The following KCNT2 variants were observed in gnomAD, a reference collection of about 807,000 sequenced individuals.
The protein encoded by KCNT2 is potassium sodium-activated channel subfamily T member 2, also known as potassium channel subfamily T member 2.
KCNT2 carries 67 observed loss-of-function variants against 153.8 expected under a neutral mutation model. That is an observed-to-expected ratio of 0.44 (90% CI 0.36 to 0.53). The LOEUF (loss-of-function observed/expected upper bound fraction) is 0.53, where lower values mean the gene tolerates loss of function less well. KCNT2 is among the 20% of genes least tolerant of loss of function. The pLI, the probability that KCNT2 is intolerant of heterozygous loss-of-function variation, is 0.00. For missense variants in KCNT2, 975 were observed against 1,354.8 expected (o/e 0.72, Z 4.40); for synonymous variants, 500 against 458.8 (o/e 1.09, Z -1.15).
At chr1:196,425,819 G>A (rs1401307566) in intron 11 of KCNT2, 33 bp downstream of exon 11, 2 of 1,607,022 alleles carry the variant, frequency 1.2e-6, no homozygotes, top group Non-Finnish European at 1.7e-6. Flanking sequence ...ACTCAAAACT[G>A]TAAGCTGCAA....
intron 13 of KCNT2, among the ~76,000 whole-genome samples, chr1:196,397,297 A>G (rs533030745): frequency 4.6e-5 from 7 of 151,554 alleles, no homozygotes; most frequent in Non-Finnish European, 8.9e-5. Context: ...AAATAATAAT[A>G]AAAATAAGAT....
chr1:196,494,404 TTTG>T (rs1215403071), intron 1 of KCNT2, among the ~76,000 whole-genome samples: 5 of 152,128 alleles, frequency 3.3e-5, no homozygotes, highest in Non-Finnish European at 5.9e-5. Context: ...GGAGCCTTTT[TTTG>T]TTGTTTTTTG....
At chr1:196,408,902 T>C (rs1158394287) in intron 12 of KCNT2, among the ~76,000 whole-genome samples, 3 of 151,534 alleles carry the variant, frequency 2.0e-5, no homozygotes, top group Non-Finnish European at 4.4e-5. Flanking sequence ...TGTGTTCAAG[T>C]TTGTTATTAA....
chr1:196,437,494 A>G (rs992189735), intron 8 of KCNT2, among the ~76,000 whole-genome samples: 1 of 147,674 alleles, frequency 6.8e-6, no homozygotes, highest in African/African-American at 2.5e-5. Flanking sequence ...CCCCGCCTAA[A>G]CATTTTAAAT....
At chr1:196,293,768 A>G (rs1660413248) in intron 22 of KCNT2, among the ~76,000 whole-genome samples, 1 of 152,106 alleles carries the variant, frequency 6.6e-6, no homozygotes, top group Non-Finnish European at 1.5e-5. Context: ...GCTCTGGGCA[A>G]TAATTTATTG....
chr1:196,453,255 T>C (rs147374077), intron 8 of KCNT2, among the ~76,000 whole-genome samples: 16 of 151,814 alleles, frequency 1.1e-4, no homozygotes, highest in Non-Finnish European at 1.5e-4. Context: ...CCAATCACAG[T>C]AGTGGATTTT....
At chr1:196,310,333 A>G (rs1357900111) in intron 21 of KCNT2, among the ~76,000 whole-genome samples, 1 of 151,872 alleles carries the variant, frequency 6.6e-6, no homozygotes, top group Non-Finnish European at 1.5e-5. Flanking sequence ...ATTGACTATC[A>G]ACACTAAAAC....
At chr1:196,564,235 A>C (rs928483029) in intron 1 of KCNT2, among the ~76,000 whole-genome samples, 1 of 151,716 alleles carries the variant, frequency 6.6e-6, no homozygotes, top group Non-Finnish European at 1.5e-5. Flanking sequence ...AAACTATCTG[A>C]AAAAAAATTC....
intron 8 of KCNT2, among the ~76,000 whole-genome samples, chr1:196,448,290 C>T (rs1339850943): frequency 6.6e-6 from 1 of 151,492 alleles, no homozygotes; most frequent in Non-Finnish European, 1.5e-5. Flanking sequence ...AGAGATAATG[C>T]AAGCAAAACT....
chr1:196,390,057 T>TA (rs1670337929), intron 13 of KCNT2, among the ~76,000 whole-genome samples: 1 of 151,622 alleles, frequency 6.6e-6, no homozygotes, highest in East Asian at 1.9e-4. Context: ...GCGCTGTTTT[T>TA]AGATTTCTGG....
intron 20 of KCNT2, among the ~76,000 whole-genome samples, chr1:196,318,199 A>G (rs1372118112): frequency 1.3e-5 from 2 of 151,502 alleles, no homozygotes; most frequent in African/African-American, 4.8e-5. Flanking sequence ...CCTCTCTAAG[A>G]CCCCTTTTTG....
chr1:196,342,017 T>C lies in KCNT2; in HGVS notation c.1553+62A>G, dbSNP rs1665683961. On this transcript the variant is annotated intron_variant, in intron 15 of 27. Coordinates refer to ENST00000294725, the MANE Select transcript of KCNT2 (RefSeq NM_198503.5). ...CAATATGCATTCTATTTTTGAAAACTATTTTCACATGATATGCTTGACTGA... is the reference window on the plus strand; with the variant it reads ...CAATATGCATTCTATTTTTGAAAACCATTTTCACATGATATGCTTGACTGA... 4 of 1,527,174 alleles carry C rather than the reference T, an allele frequency of 2.6e-6. No homozygotes were observed. The East Asian group carries it at 9.2e-5, about 35-fold the overall frequency. The allele number at this position is 1,527,174 out of a possible 1,614,324, so 94.6% of individuals were successfully genotyped here.
intron 18 of KCNT2, among the ~76,000 whole-genome samples, chr1:196,328,275 C>A (rs189861974): frequency 6.6e-6 from 1 of 151,566 alleles, no homozygotes; most frequent in East Asian, 1.9e-4. Context: ...AAGATTCAGC[C>A]AAAGGGATCA....
intron 8 of KCNT2, among the ~76,000 whole-genome samples, chr1:196,448,860 C>T (rs923675082): frequency 2.0e-5 from 3 of 151,330 alleles, no homozygotes; most frequent in African/African-American, 7.3e-5. Flanking sequence ...ATAAATATGC[C>T]TCTGTGAAAA....
intron 8 of KCNT2, among the ~76,000 whole-genome samples, chr1:196,450,720 C>A (rs1022429092): frequency 2.6e-5 from 4 of 151,858 alleles, no homozygotes; most frequent in Admixed American, 2.6e-4. Flanking sequence ...CCCACAGTAA[C>A]CTCCCAGCCA....
At chr1:196,524,128 C>A (rs1396079491) in intron 1 of KCNT2, among the ~76,000 whole-genome samples, 5 of 152,056 alleles carry the variant, frequency 3.3e-5, no homozygotes, top group Admixed American at 3.3e-4. Context: ...TGTAATCCTA[C>A]TAAATTTCTT....
At chr1:196,466,531 C>A (rs1296871300) in intron 7 of KCNT2, among the ~76,000 whole-genome samples, 1 of 151,934 alleles carries the variant, frequency 6.6e-6, no homozygotes, top group East Asian at 1.9e-4. Context: ...ACTTTGCCTC[C>A]AAACAAGTAT....
chr1:196,273,635 G>T, intron 25 of KCNT2: 6 of 557,470 alleles, frequency 1.1e-5, no homozygotes, highest in South Asian at 2.4e-5. Context: ...TTTCTCGTAT[G>T]GCTTTTGAAC....
intron 14 of KCNT2, among the ~76,000 whole-genome samples, chr1:196,370,403 T>C (rs977443786): frequency 1.3e-5 from 2 of 152,080 alleles, no homozygotes; most frequent in Non-Finnish European, 2.9e-5. Context: ...ACAGATCAGC[T>C]AGAACTGGAA....
Sources: allele counts gnomAD v4.1 joint callset (sites outside exome capture counted in the v4.1 genomes callset), GRCh38; gene constraint gnomAD v4.1.1; transcripts MANE v1.5; gene names NCBI Gene and HGNC (gene_info 2026-07-23, HGNC 2026-07-21).